ALKBH1: variants seen among roughly 807,000 people sequenced by gnomAD.
ALKBH1 encodes the protein nucleic acid dioxygenase ALKBH1.
A neutral mutation model predicts 36.6 loss-of-function variants in ALKBH1; 31 were observed. That is an observed-to-expected ratio of 0.85 (90% CI 0.64 to 1.14). The LOEUF is 1.14. ALKBH1 is among the 50% of genes most tolerant of loss of function. ALKBH1 has a pLI of 0.00. For synonymous variants in ALKBH1, 183 were observed against 186.6 expected (o/e 0.98, Z 0.16); for missense variants, 490 against 497.3 (o/e 0.99, Z 0.14).
In ALKBH1 at chr14:77,673,257, A is replaced by G. The variant is rs959689293; in HGVS notation, c.*555T>C. ...ATAGTTGTGATTAATTTCTTTTCTA[A>G]AAGACAAGATTTTCCAGTTCCATTG... On this transcript the variant is annotated 3_prime_UTR_variant, in exon 6 of 6. Coordinates refer to ENST00000216489, the MANE Select transcript of ALKBH1 (RefSeq NM_006020.3). The G allele has an allele frequency of 2.0e-5, 3 of 152,926 alleles. No individual in the cohort carries two copies. The highest frequency in any genetic ancestry group is 2.9e-5 in the Non-Finnish European group (2 of 68,480). 9.5% of individuals were successfully genotyped at this position (152,926 alleles called of 1,614,324 possible).
chr14:77,678,129 ATGCATTTAAC>A (rs2080216297), intron 4 of ALKBH1, among the ~76,000 whole-genome samples: 1 of 148,892 alleles, frequency 6.7e-6, no homozygotes, highest in African/African-American at 2.5e-5. Context: ...TATTGTGATA[ATGCATTTAAC>A]TGCTTAGAAT....
chr14:77,678,128 A>C (rs2080216271), intron 4 of ALKBH1, among the ~76,000 whole-genome samples: 1 of 146,336 alleles, frequency 6.8e-6, no homozygotes, highest in South Asian at 2.2e-4. Context: ...TTATTGTGAT[A>C]ATGCATTTAA....
chr14:77,699,285 A>G (rs919425636), intron 2 of ALKBH1, among the ~76,000 whole-genome samples: 20 of 152,252 alleles, frequency 1.3e-4, no homozygotes, highest in Admixed American at 5.2e-4. Flanking sequence ...CAGTAAAGAC[A>G]CTGAGCCGAG....
intron 1 of ALKBH1, among the ~76,000 whole-genome samples, chr14:77,706,307 T>C (rs769064963): frequency 1.6e-4 from 24 of 152,186 alleles, no homozygotes; most frequent in Non-Finnish European, 3.2e-4. Context: ...TAAAACACTT[T>C]TAAGCATTTT....
At chr14:77,689,130 T>G (rs777077227) in intron 3 of ALKBH1, among the ~76,000 whole-genome samples, 2 of 152,224 alleles carry the variant, frequency 1.3e-5, no homozygotes, top group Non-Finnish European at 2.9e-5. Flanking sequence ...TGCCTCTGAC[T>G]ATACAATTTT....
At chr14:77,678,087 CAAAAAAAA>C (rs11440428) in intron 4 of ALKBH1, among the ~76,000 whole-genome samples, 11 of 55,082 alleles carry the variant, frequency 2.0e-4, no homozygotes, top group African/African-American at 8.2e-4. Context: ...ATATTATCAC[CAAAAAAAA>C]AAAAAAAAAA....
chr14:77,683,905 C>T (rs548377961), intron 3 of ALKBH1: 1 of 153,502 alleles, frequency 6.5e-6, no homozygotes, highest in Non-Finnish European at 1.5e-5. Flanking sequence ...TGCGCATATA[C>T]ATGGCCAAAG....
intron 4 of ALKBH1, among the ~76,000 whole-genome samples, chr14:77,679,430 G>C (rs141655610): frequency 6.6e-6 from 1 of 151,994 alleles, no homozygotes; most frequent in East Asian, 1.9e-4. Context: ...CCTGAGGAGA[G>C]ATTTTTTTTT....
intron 5 of ALKBH1, 85 bp from the exon 6 acceptor site, chr14:77,674,326 G>T: frequency 7.5e-7 from 1 of 1,340,976 alleles, no homozygotes. Context: ...ACTGCCAACT[G>T]TGTTATTTTG....
intron 2 of ALKBH1, among the ~76,000 whole-genome samples, chr14:77,702,262 C>T (rs2080363528): frequency 1.3e-5 from 2 of 152,164 alleles, no homozygotes; most frequent in South Asian, 4.1e-4. Context: ...GATCACACCA[C>T]TGCACTCCAG....
intron 2 of ALKBH1, among the ~76,000 whole-genome samples, chr14:77,702,073 T>A (rs2080362378): frequency 6.6e-6 from 1 of 152,028 alleles, no homozygotes; most frequent in Admixed American, 6.6e-5. Flanking sequence ...TCAAGGCAGG[T>A]GGATCACCTG....
In ALKBH1 at chr14:77,678,400, G is replaced by A. The variant is rs1346678078; in HGVS notation, c.546+1480C>T. Among the ~76,000 whole-genome samples, 3 of 152,150 alleles carry A rather than the reference G, an allele frequency of 2.0e-5. No individual in the cohort carries two copies. The East Asian group carries it at 5.8e-4, about 29-fold the overall frequency. Reference sequence around the variant, plus strand: ...CATTTGGAGCAGTTAATGTATCTAAGTTGGGTTGGCTGAAACTGTGGAGCT... The same window carrying A: ...CATTTGGAGCAGTTAATGTATCTAAATTGGGTTGGCTGAAACTGTGGAGCT... On this transcript the variant is annotated intron_variant, in intron 4 of 5. Transcript: ENST00000216489.
At chr14:77,675,938 C>A in intron 4 of ALKBH1, 89 bp from the exon 5 acceptor site, 2 of 1,059,822 alleles carry the variant, frequency 1.9e-6, no homozygotes, top group South Asian at 1.5e-5. Flanking sequence ...TTAAAATAAT[C>A]TTACTTACAA....
In ALKBH1 at chr14:77,675,781, A is replaced by G. The variant is rs764392735; in HGVS notation, c.615T>C (p.Ala205=). 1 of 1,614,174 alleles carries G rather than the reference A, an allele frequency of 6.2e-7. No homozygotes were observed. The highest frequency in any genetic ancestry group is 2.2e-5 in the East Asian group (1 of 44,872). Residue 205 remains alanine (A), a synonymous_variant, in exon 5 of 6, where the codon GCT becomes GCC. Transcript: ENST00000216489. The part of the protein sequence containing the change: ...DLGFLSEQVA[A]ACGFEDFRAE... ...CTCGGAAATCCTCAAATCCACAGGC[A>G]GCGGCTACTTGCTCTGAGAGGAAAC...
chr14:77,707,967 G>A lies in ALKBH1; in HGVS notation c.38C>T (p.Thr13Ile), dbSNP rs767069417. 1.2e-6 allele frequency: 2 copies of A among 1,613,166 alleles called. No homozygotes were observed. Among genetic ancestry groups the A allele is most frequent in the African/African-American group, 1.3e-5 (1 of 74,928 alleles). ...GTCCTCCCCGGGCTCAGTCGCCAGA[G>A]TCGCCACAGAGCCCACGGCCGCTGC... ...KMAAAVGSVA[T>I]LATEPGEDAF... Residue 13 changes from threonine (T) to isoleucine (I), a missense_variant, in exon 1 of 6, where the codon ACT becomes ATT. By Grantham distance (89) the Thr-to-Ile change is moderately conservative. Transcript: ENST00000216489.
At chr14:77,704,607 C>G in intron 1 of ALKBH1, 130 bp from the exon 2 acceptor site, 1 of 695,826 alleles carries the variant, frequency 1.4e-6, no homozygotes, top group South Asian at 1.6e-5. Flanking sequence ...CAGAACCTTG[C>G]TCTATTGCTC....
intron 3 of ALKBH1, among the ~76,000 whole-genome samples, chr14:77,685,545 GGT>G (rs1349013999): frequency 1.3e-5 from 2 of 152,148 alleles, no homozygotes; most frequent in African/African-American, 4.8e-5. Flanking sequence ...GGGAGGCCGA[GGT>G]GGGCAGATTG....
chr14:77,680,630 T>C (rs978778244), intron 3 of ALKBH1, among the ~76,000 whole-genome samples: 2 of 151,780 alleles, frequency 1.3e-5, no homozygotes, highest in Non-Finnish European at 2.9e-5. Context: ...AGACGTGCTC[T>C]TTCTGCAATT....
intron 2 of ALKBH1, among the ~76,000 whole-genome samples, chr14:77,699,911 T>C (rs6574389): frequency 0.92 from 139,592 of 151,954 alleles, 64,370 homozygotes; most frequent in Non-Finnish European, 0.96. Context: ...AAAAATTAGC[T>C]GGGCGTGGTG....
Sources: gnomAD v4.1 joint callset for allele counts (sites outside exome capture counted in the v4.1 genomes callset) on GRCh38, gnomAD v4.1.1 for gene constraint, MANE v1.5 for transcripts, NCBI Gene and HGNC (gene_info 2026-07-23, HGNC 2026-07-21) for gene names.